The following PCDHGB1 variants were observed in gnomAD, a reference collection of about 807,000 sequenced individuals.
PCDHGB1 encodes protocadherin gamma-B1.
Under a neutral mutation model 56.6 loss-of-function variants are expected in PCDHGB1, and 34 were observed. That is an observed-to-expected ratio of 0.60 (90% CI 0.46 to 0.80). The LOEUF (loss-of-function observed/expected upper bound fraction) is 0.80. Among genes scored for constraint, PCDHGB1 ranks in the 30% least tolerant of loss-of-function variants. The pLI is 0.00. For missense variants in PCDHGB1, 1,278 were observed against 1,204.6 expected (o/e 1.06, Z -0.90); for synonymous variants, 561 against 505.9 (o/e 1.11, Z -1.46).
rs180741728 is a variant in PCDHGB1 at position 141,505,088 on chromosome 5, G to A, written c.2469-305G>A. Among the ~76,000 whole-genome samples the A allele has an allele frequency of 3.7e-3, 563 of 152,300 alleles. 5 individuals carry two copies. Among genetic ancestry groups the A allele is most frequent in the Admixed American group, 0.011 (163 of 15,294 alleles). On this transcript the variant is annotated intron_variant, in intron 2 of 3. Coordinates refer to ENST00000523390, the MANE Select transcript of PCDHGB1 (RefSeq NM_018922.3). ...GAGGCAGGAGAATCGCTTGAACCCA[G>A]GAGGTGGATGTTGCAATGAGCCAAG...
chr5:141,352,446 C>T lies in PCDHGB1; in HGVS notation c.2186C>T (p.Ser729Phe). 1.9e-6 allele frequency: 3 copies of T among 1,614,050 alleles called. No individual in the cohort carries two copies. Among genetic ancestry groups the T allele is most frequent in the Non-Finnish European group, 2.5e-6 (3 of 1,179,896 alleles). The change falls in exon 1 of 4, where the codon TCC becomes TTC. Residue 729 changes from serine to phenylalanine, a missense_variant. Ser to Phe is a radical substitution (Grantham distance 155). Transcript: ENST00000523390. The part of the protein sequence containing the change: ...TEGCFQTGLC[S>F]KSGPGVPPNH... ...GGCTGCTTTCAAACCGGTCTCTGCT[C>T]CAAGTCTGGGCCCGGGGTTCCTCCC...
chr5:141,367,287 C>T (rs1765038188), intron 1 of PCDHGB1: 2 of 153,044 alleles, frequency 1.3e-5, no homozygotes, highest in African/African-American at 2.4e-5. Flanking sequence ...GCCTGTAATC[C>T]CAGCACTTTG....
chr5:141,505,363 T>A, intron 2 of PCDHGB1, 30 bp from the exon 3 acceptor site: 1 of 1,613,360 alleles, frequency 6.2e-7, no homozygotes, highest in Non-Finnish European at 8.5e-7. Context: ...GGCCTGGGAG[T>A]CTGTGCTCAC....
intron 1 of PCDHGB1, among the ~76,000 whole-genome samples, chr5:141,460,307 C>A (rs1025049001): frequency 6.6e-6 from 1 of 152,102 alleles, no homozygotes; most frequent in African/African-American, 2.4e-5. Context: ...TATTCAAAAA[C>A]TCCTTGCCTA....
intron 1 of PCDHGB1, among the ~76,000 whole-genome samples, chr5:141,438,325 A>C (rs1400796518): frequency 6.6e-6 from 1 of 151,948 alleles, no homozygotes; most frequent in African/African-American, 2.4e-5. Context: ...AATTTTTCTT[A>C]TACATGTCAT....
chr5:141,350,909 C>T lies in PCDHGB1; in HGVS notation c.649C>T (p.Pro217Ser), dbSNP rs1289201700. The T allele has an allele frequency of 6.2e-7, 1 of 1,614,066 alleles. No individual in the cohort carries two copies. Residue 217 changes from proline (P) to serine (S), a missense_variant, in exon 1 of 4, where the codon CCG becomes TCG. By Grantham distance (74) the Pro-to-Ser change is moderately conservative. Coordinates refer to ENST00000523390, the MANE Select transcript of PCDHGB1 (RefSeq NM_018922.3). ...CCTGACTGCCATGGATGGCGGGGAC[C>T]CGCCTCTAAGCGGCACCACCCATAT... ...LILTAMDGGDPPLSGTTHIWI... is the reference protein window; with the variant it reads ...LILTAMDGGDSPLSGTTHIWI...
At chr5:141,388,706 TGCC>T (rs2091460898) in intron 1 of PCDHGB1, 2 of 1,613,856 alleles carry the variant, frequency 1.2e-6, no homozygotes, top group Non-Finnish European at 1.7e-6. Flanking sequence ...AGGGTGTCAA[TGCC>T]GAGATTACTT....
chr5:141,510,221 C>T lies in PCDHGB1; in HGVS notation c.2558-726C>T, dbSNP rs891359580. On this transcript the variant is annotated intron_variant, in intron 3 of 3. Transcript: ENST00000523390. The stretch of plus-strand genomic sequence containing the variant: ...CCAGGAGGCAGAGGTTGCAGTGAGC[C>T]GGGATCGCGCCACTGCACTCCAGGC... Among the ~76,000 whole-genome samples, 12 of 150,616 alleles carry T rather than the reference C, an allele frequency of 8.0e-5. No homozygotes were observed. In the East Asian group the frequency reaches 1.2e-3, roughly 15 times the overall value.
chr5:141,387,388 T>C (rs1323763140), intron 1 of PCDHGB1, among the ~76,000 whole-genome samples: 3 of 152,196 alleles, frequency 2.0e-5, no homozygotes, highest in Non-Finnish European at 2.9e-5. Flanking sequence ...ATATAGATAG[T>C]GCATGTTTGA....
chr5:141,432,635 G>C lies in PCDHGB1; in HGVS notation c.2410-62172G>C, dbSNP rs754354737. On this transcript the variant is annotated intron_variant, in intron 1 of 3. Transcript: ENST00000523390. The surrounding 1 kb of genome is among the most constrained non-coding windows in gnomAD (Gnocchi z 6.0). ...CTCGGTGGGTCTGCACACGGGCGAG[G>C]TGCGCACGGCGCGAGCCCTGCTGGA... The C allele has an allele frequency of 5.6e-6, 9 of 1,612,886 alleles. No individual in the cohort carries two copies. Among genetic ancestry groups the C allele is most frequent in the Non-Finnish European group, 7.6e-6 (9 of 1,179,742 alleles).
At chr5:141,403,740 C>T in intron 1 of PCDHGB1, 1 of 1,613,920 alleles carries the variant, frequency 6.2e-7, no homozygotes, top group Non-Finnish European at 8.5e-7. Flanking sequence ...TGGCTGCTTA[C>T]TGCAACAGCC....
chr5:141,477,678 C>A lies in PCDHGB1; in HGVS notation c.2410-17129C>A, dbSNP rs967769574. 1 of 1,614,182 alleles carries A rather than the reference C, an allele frequency of 6.2e-7. No individual in the cohort carries two copies. The highest frequency in any genetic ancestry group is 1.3e-5 in the African/African-American group (1 of 75,054). ...AATCGTGACAATGGCATAGTGTCAT[C>A]CTTAGTGCCCCTAGACTATGAGGAT... is the stretch of plus-strand genomic sequence containing the variant. On this transcript the variant is annotated intron_variant, in intron 1 of 3. Transcript: ENST00000523390. The surrounding 1 kb of genome is among the most constrained non-coding windows in gnomAD (Gnocchi z 4.9).
intron 1 of PCDHGB1, chr5:141,416,346 T>A (rs2096017940): frequency 6.6e-6 from 1 of 152,238 alleles, no homozygotes; most frequent in African/African-American, 2.4e-5. Flanking sequence ...TCAATAGGGA[T>A]CCTGAGGAGG....
chr5:141,419,259 C>A (rs765877993), intron 1 of PCDHGB1: 11 of 1,614,016 alleles, frequency 6.8e-6, no homozygotes, highest in Non-Finnish European at 9.3e-6. Flanking sequence ...AACAACCAGC[C>A]GGGTGCCTCC....
chr5:141,509,810 G>T (rs1272295976), intron 3 of PCDHGB1, among the ~76,000 whole-genome samples: 1 of 152,154 alleles, frequency 6.6e-6, no homozygotes, highest in East Asian at 1.9e-4. Flanking sequence ...ATAGAGCCGA[G>T]CTCTTCTCCA....
chr5:141,426,297 G>T (rs1056504791), intron 1 of PCDHGB1: 3 of 171,478 alleles, frequency 1.7e-5, no homozygotes, highest in African/African-American at 7.1e-5. Context: ...TGGGAAACAG[G>T]GTGAAGCAGA....
intron 1 of PCDHGB1, chr5:141,356,861 A>C (rs754992858): frequency 1.2e-5 from 20 of 1,614,030 alleles, no homozygotes; most frequent in Non-Finnish European, 1.7e-5. Context: ...TTTGTGCTGG[A>C]CCAGAACGAC....
At chr5:141,473,189 A>G (rs1049891105) in intron 1 of PCDHGB1, among the ~76,000 whole-genome samples, 2 of 152,198 alleles carry the variant, frequency 1.3e-5, no homozygotes, top group Admixed American at 6.5e-5. Flanking sequence ...GAAGGAGTAA[A>G]TGTATCTTCT....
In PCDHGB1 at chr5:141,419,435, C is replaced by A. The variant is rs2096382649; in HGVS notation, c.2409+66766C>A. The A allele has an allele frequency of 2.5e-6, 4 of 1,613,108 alleles. No individual in the cohort carries two copies. In the African/African-American group the frequency reaches 4.0e-5, roughly 16 times the overall value. ...GCGCGCCTTCGACCACGAGCAGCTG[C>A]GCACCTTCGAGCTCACGCTGCAGGC... is the stretch of plus-strand genomic sequence containing the variant. On this transcript the variant is annotated intron_variant, in intron 1 of 3. Transcript: ENST00000523390.
Sources: gnomAD v4.1 joint callset for allele counts (sites outside exome capture counted in the v4.1 genomes callset) on GRCh38, gnomAD v4.1.1 for gene constraint, Gnocchi (gnomAD v3.1) non-coding constraint, MANE v1.5 for transcripts, NCBI Gene and HGNC (gene_info 2026-07-23, HGNC 2026-07-21) for gene names.